Variants in F13B observed in about 807,000 individuals in gnomAD.
F13B encodes the protein TGase.
Under a neutral mutation model 79.8 loss-of-function variants are expected in F13B, and 58 were observed. The observed-to-expected ratio is 0.73, with a 90% CI of 0.59 to 0.90. The LOEUF (loss-of-function observed/expected upper bound fraction) is 0.90, where lower values mean the gene tolerates loss of function less well. F13B is among the 40% of genes least tolerant of loss of function. The pLI is 0.00. For missense variants in F13B, 773 were observed against 777.0 expected, an observed-to-expected ratio of 0.99 and a Z score of 0.06; for synonymous variants, 283 against 260.3, an observed-to-expected ratio of 1.09 and a Z score of -0.84.
rs1485478270 is a variant in F13B at position 197,039,196 on chromosome 1, CT to C, written c.*181del. ...TAAGTTCTACATCAAATCATACAAA[CT>C]AAAAATTAGACATTTATTGGTTTTC... On this transcript the variant is annotated 3_prime_UTR_variant, in exon 12 of 12. Transcript: ENST00000367412. 6.9e-6 allele frequency: 4 copies of C among 576,718 alleles called. No homozygotes were observed. The Admixed American group carries it at 1.2e-4, about 17-fold the overall frequency. 35.7% of individuals were successfully genotyped at this position (576,718 alleles called of 1,614,324 possible). A position where few individuals can be genotyped will look rare whatever the true frequency, so the allele number is the denominator to read the frequency against.
chr1:197,052,057 A>G (rs1655459170), intron 9 of F13B, among the ~76,000 whole-genome samples: 1 of 152,056 alleles, frequency 6.6e-6, no homozygotes, highest in Non-Finnish European at 1.5e-5. Context: ...TTTGGCTCTC[A>G]TCGCAATTGC....
intron 10 of F13B, among the ~76,000 whole-genome samples, chr1:197,045,565 G>A (rs754485852): frequency 4.6e-5 from 7 of 151,938 alleles, no homozygotes; most frequent in African/African-American, 1.7e-4. Flanking sequence ...ATTCACAGCC[G>A]AATTCTACCA....
intron 10 of F13B, among the ~76,000 whole-genome samples, chr1:197,047,911 G>A (rs1655294188): frequency 6.6e-6 from 1 of 152,094 alleles, no homozygotes. Flanking sequence ...AACACTGCAT[G>A]TTCTCACTCA....
chr1:197,040,338 A>G, intron 11 of F13B, 184 bp downstream of exon 11: 1 of 560,966 alleles, frequency 1.8e-6, no homozygotes, highest in Non-Finnish European at 3.2e-6. Context: ...ACAATTCAGA[A>G]GGCCTGTTGA....
At chr1:197,063,763 T>C (rs1216277532) in intron 1 of F13B, among the ~76,000 whole-genome samples, 1 of 152,200 alleles carries the variant, frequency 6.6e-6, no homozygotes, top group African/African-American at 2.4e-5. Context: ...GAAAATATTT[T>C]ACATTCTTTT....
chr1:197,039,134 A>T lies in F13B; in HGVS notation c.*244T>A, dbSNP rs1654945821. ...TAGGAAATGAAAATATGATGTGTAG[A>T]TTAATTTGTAACAGATGGAAGACAT... On this transcript the variant is annotated 3_prime_UTR_variant, in exon 12 of 12. Transcript: ENST00000367412. 2 of 462,384 alleles carry T rather than the reference A, an allele frequency of 4.3e-6. No homozygotes were observed. Among genetic ancestry groups the T allele is most frequent in the Admixed American group, 3.6e-5 (1 of 27,900 alleles). The allele number at this position is 462,384 out of a possible 1,614,324, so 28.6% of individuals were successfully genotyped here. A position where few individuals can be genotyped will look rare whatever the true frequency, so the allele number is the denominator to read the frequency against.
chr1:197,039,205 A>C lies in F13B; in HGVS notation c.*173T>G. Reference sequence around the variant, plus strand: ...CATCAAATCATACAAACTAAAAATTAGACATTTATTGGTTTTCATTTATAA... The same window carrying C: ...CATCAAATCATACAAACTAAAAATTCGACATTTATTGGTTTTCATTTATAA... On this transcript the variant is annotated 3_prime_UTR_variant, in exon 12 of 12. Coordinates refer to ENST00000367412, the MANE Select transcript of F13B (RefSeq NM_001994.3). 1 of 596,018 alleles carries C rather than the reference A, an allele frequency of 1.7e-6. No individual in the cohort carries two copies. The highest frequency in any genetic ancestry group is 2.9e-5 in the Admixed American group (1 of 34,498). The allele number at this position is 596,018 out of a possible 1,614,324, so 36.9% of individuals were successfully genotyped here.
At chr1:197,058,274 T>G (rs1655721619) in intron 5 of F13B, among the ~76,000 whole-genome samples, 1 of 152,196 alleles carries the variant, frequency 6.6e-6, no homozygotes, top group Admixed American at 6.5e-5. Flanking sequence ...AGATCTGTTC[T>G]TGAACCCACG....
At chr1:197,046,777 G>A (rs769905646) in intron 10 of F13B, among the ~76,000 whole-genome samples, 11 of 152,164 alleles carry the variant, frequency 7.2e-5, no homozygotes, top group Non-Finnish European at 1.5e-4. Context: ...CAAGGCTACA[G>A]TAACCAAAAC....
At chr1:197,049,723 T>G (rs1655370615) in intron 10 of F13B, among the ~76,000 whole-genome samples, 1 of 152,046 alleles carries the variant, frequency 6.6e-6, no homozygotes, top group African/African-American at 2.4e-5. Flanking sequence ...AGACTTGATA[T>G]CAAACCAGAA....
At position 197,060,297 on chromosome 1, in the gene F13B, G is replaced by C; in HGVS notation, c.805+69C>G. 3 of 1,176,062 alleles carry C rather than the reference G, an allele frequency of 2.6e-6. No homozygotes were observed. In the South Asian group the frequency reaches 4.3e-5, roughly 17 times the overall value. The allele number at this position is 1,176,062 out of a possible 1,614,324, so 72.9% of individuals were successfully genotyped here. On this transcript the variant is annotated intron_variant, in intron 5 of 11. Transcript: ENST00000367412. ...AAATAGATATGACCACAGGAATTTT[G>C]TCAGAGCTAATAGAGATTAAAGCTG...
intron 1 of F13B, among the ~76,000 whole-genome samples, chr1:197,066,019 G>T (rs901861258): frequency 6.6e-6 from 1 of 151,696 alleles, no homozygotes; most frequent in African/African-American, 2.4e-5. Context: ...GTGTAAAATA[G>T]CATTATAACC....
chr1:197,052,954 T>C (rs935852317), intron 8 of F13B, 120 bp from the exon 9 acceptor site: 211 of 629,770 alleles, frequency 3.4e-4, no homozygotes, highest in Non-Finnish European at 5.0e-4. Context: ...AAATCATAAT[T>C]AAGGCTTCTC....
rs544305842 is a variant in F13B, at chr1:197,039,088, T to C, written c.*290A>G. 6.0e-6 allele frequency: 2 copies of C among 333,786 alleles called. No individual in the cohort carries two copies. Among genetic ancestry groups the C allele is most frequent in the East Asian group, 5.9e-5 (1 of 16,852 alleles). The allele number at this position is 333,786 out of a possible 1,614,324, so 20.7% of individuals were successfully genotyped here. A position where few individuals can be genotyped will look rare whatever the true frequency, so the allele number is the denominator to read the frequency against. ...ACATACAGTATATTGAAAACAACTA[T>C]ATAGTCTAGTCAATGGGCATTAGGA... On this transcript the variant is annotated 3_prime_UTR_variant, in exon 12 of 12. Transcript: ENST00000367412.
chr1:197,062,474 G>A (rs1292939405), intron 2 of F13B, among the ~76,000 whole-genome samples: 2 of 152,092 alleles, frequency 1.3e-5, no homozygotes, highest in Non-Finnish European at 2.9e-5. Flanking sequence ...AAATGATAAA[G>A]CATTAGAGTA....
chr1:197,056,692 T>C (rs1173197854), intron 7 of F13B, among the ~76,000 whole-genome samples: 3 of 152,198 alleles, frequency 2.0e-5, no homozygotes, highest in African/African-American at 7.2e-5. Context: ...ACTTATCTAA[T>C]GAAGCACATC....
intron 10 of F13B, among the ~76,000 whole-genome samples, chr1:197,044,330 C>G (rs1409134076): frequency 3.3e-5 from 5 of 151,962 alleles, no homozygotes; most frequent in Non-Finnish European, 7.4e-5. Flanking sequence ...GGAGGGTCGT[C>G]TACTATTGCT....
At chr1:197,045,061 G>C (rs1444946198) in intron 10 of F13B, among the ~76,000 whole-genome samples, 5 of 152,126 alleles carry the variant, frequency 3.3e-5, no homozygotes, top group Admixed American at 6.6e-5. Flanking sequence ...ATGCAGGAAA[G>C]ATCTAAAATC....
chr1:197,045,553 G>A (rs1002982672), intron 10 of F13B, among the ~76,000 whole-genome samples: 2 of 152,068 alleles, frequency 1.3e-5, no homozygotes, highest in Non-Finnish European at 2.9e-5. Flanking sequence ...AGGACCAGAT[G>A]GATTCACAGC....
Sources: allele counts gnomAD v4.1 joint callset (sites outside exome capture counted in the v4.1 genomes callset), GRCh38; gene constraint gnomAD v4.1.1; transcripts MANE v1.5; gene names NCBI Gene and HGNC (gene_info 2026-07-23, HGNC 2026-07-21).